The following PEBP4 variants were observed in gnomAD, a reference collection of about 807,000 sequenced individuals.
The protein encoded by PEBP4 is phosphatidylethanolamine-binding protein 4.
Under a neutral mutation model 23.9 loss-of-function variants are expected in PEBP4, and 22 were observed. The observed-to-expected ratio is 0.92, with a 90% CI of 0.66 to 1.31. PEBP4 has a LOEUF of 1.31. PEBP4 is among the 40% of genes most tolerant of loss of function. The pLI is 0.00. For synonymous variants in PEBP4, 112 were observed against 99.3 expected, an observed-to-expected ratio of 1.13 and a Z score of -0.76; for missense variants, 324 against 281.7, an observed-to-expected ratio of 1.15 and a Z score of -1.07.
chr8:22,914,501 A>C (rs948275859), intron 3 of PEBP4, among the ~76,000 whole-genome samples: 20 of 151,904 alleles, frequency 1.3e-4, no homozygotes, highest in South Asian at 6.2e-4. Context: ...CATGGGATCC[A>C]CTCCTCATTC....
At position 22,770,581 on chromosome 8, in the gene PEBP4, A is replaced by T. The variant is rs7832013; in HGVS notation, c.358-43361T>A. On this transcript the variant is annotated intron_variant, in intron 4 of 6. Coordinates refer to ENST00000256404, the MANE Select transcript of PEBP4 (RefSeq NM_144962.3). ...ATGGGAGAGGGCCTGCGCTGGCCAG[A>T]TCTTCCTCCAGGTTATTCATTGTGA... Among the ~76,000 whole-genome samples the T allele has an allele frequency of 1.2e-3, 190 of 152,268 alleles. 1 individual carries two copies. The highest frequency in any genetic ancestry group is 4.4e-3 in the African/African-American group (181 of 41,538).
Position 22,865,647 on chromosome 8 carries a change from GC to G in PEBP4, c.259-47913del, listed in dbSNP as rs1184199890. On this transcript the variant is annotated intron_variant, in intron 3 of 6. Transcript: ENST00000256404. This position sits in a 1 kb window ranked among gnomAD's most constrained non-coding sequence, Gnocchi z 6.9. ...CCTGCTCAGAAAAGCCTCGGATGCT[GC>G]CCGGGAGGAGGAGGCAAAGGAAGAC... 6.6e-6 allele frequency among the ~76,000 whole-genome samples: 1 copy of G among 152,124 alleles called. No individual in the cohort carries two copies. The highest frequency in any genetic ancestry group is 2.4e-5 in the African/African-American group (1 of 41,426).
At chr8:22,719,631 C>T (rs1318168087) in intron 6 of PEBP4, among the ~76,000 whole-genome samples, 4 of 152,192 alleles carry the variant, frequency 2.6e-5, no homozygotes, top group Non-Finnish European at 5.9e-5. Context: ...TGCAAACAGC[C>T]CTTCCCTGGA....
rs1258907981 is a variant in PEBP4 at position 22,797,630 on chromosome 8, C to T, written c.357+20007G>A. Among the ~76,000 whole-genome samples, 7 of 152,154 alleles carry T rather than the reference C, an allele frequency of 4.6e-5. No homozygotes were observed. The East Asian group carries it at 1.2e-3, about 25-fold the overall frequency. ...AGTAAGTTGCTGATGGTGAGCAGAG[C>T]AGCAGTGGGTGGTCAGTTGGTGGAG... On this transcript the variant is annotated intron_variant, in intron 4 of 6. Coordinates refer to ENST00000256404, the MANE Select transcript of PEBP4 (RefSeq NM_144962.3).
chr8:22,791,768 T>C (rs1331387507), intron 4 of PEBP4, among the ~76,000 whole-genome samples: 1 of 152,268 alleles, frequency 6.6e-6, no homozygotes, highest in Non-Finnish European at 1.5e-5. Context: ...GCACTTACTC[T>C]TCATTAAACA....
At chr8:22,919,238 TCCCTGCCA>T (rs1361246435) in intron 3 of PEBP4, among the ~76,000 whole-genome samples, 11 of 152,254 alleles carry the variant, frequency 7.2e-5, no homozygotes, top group Non-Finnish European at 1.3e-4. Flanking sequence ...TTGTGGCCCT[TCCCTGCCA>T]CCCTGCACAG....
At chr8:22,838,254 T>A (rs1449493352) in intron 3 of PEBP4, among the ~76,000 whole-genome samples, 2 of 152,206 alleles carry the variant, frequency 1.3e-5, no homozygotes, top group East Asian at 1.9e-4. Flanking sequence ...GCTCCTGAAG[T>A]GCCTAGCATA....
At chr8:22,797,757 G>A (rs1261323616) in intron 4 of PEBP4, among the ~76,000 whole-genome samples, 1 of 152,164 alleles carries the variant, frequency 6.6e-6, no homozygotes, top group East Asian at 1.9e-4. Context: ...AGTGTATCAC[G>A]ACTGTTCACT....
At chr8:22,866,366 G>A (rs900594151) in intron 3 of PEBP4, among the ~76,000 whole-genome samples, 7 of 152,190 alleles carry the variant, frequency 4.6e-5, no homozygotes, top group African/African-American at 1.7e-4. Context: ...TACCCAGCAA[G>A]ACGCTGAGGA....
Position 22,727,163 on chromosome 8 carries a change from G to A in PEBP4, c.403+12C>T. 6.2e-7 allele frequency: 1 copy of A among 1,613,822 alleles called. No individual in the cohort carries two copies. The highest frequency in any genetic ancestry group is 8.5e-7 in the Non-Finnish European group (1 of 1,179,896). On this transcript the variant is annotated intron_variant, in intron 5 of 6. Transcript: ENST00000256404. ...CCTGGCTGGGGGAAGGGGTCCCTAG[G>A]GTCTTACTCACCTGATAACTCCTGG... is the stretch of plus-strand genomic sequence containing the variant.
At chr8:22,785,281 G>A (rs917543081) in intron 4 of PEBP4, among the ~76,000 whole-genome samples, 2 of 152,158 alleles carry the variant, frequency 1.3e-5, no homozygotes, top group African/African-American at 4.8e-5. Context: ...TTCAACCAAG[G>A]ATACTAGAAC....
intron 4 of PEBP4, among the ~76,000 whole-genome samples, chr8:22,748,043 C>T (rs1457538069): frequency 6.6e-6 from 1 of 152,242 alleles, no homozygotes; most frequent in Non-Finnish European, 1.5e-5. Context: ...TGCTCAGACT[C>T]TTAGTCAACT....
intron 4 of PEBP4, among the ~76,000 whole-genome samples, chr8:22,768,303 C>T (rs1251267442): frequency 6.6e-6 from 1 of 152,150 alleles, no homozygotes; most frequent in Non-Finnish European, 1.5e-5. Flanking sequence ...AGTGCCAGTG[C>T]TTGCAGAGAC....
At chr8:22,723,413 A>G (rs76157403) in intron 6 of PEBP4, among the ~76,000 whole-genome samples, 5,116 of 151,912 alleles carry the variant, frequency 0.034, 100 homozygotes, top group Non-Finnish European at 0.04. Flanking sequence ...CCGATGCTCT[A>G]TCCTTCCCTC....
At chr8:22,910,925 C>T (rs1808925565) in intron 3 of PEBP4, among the ~76,000 whole-genome samples, 1 of 144,784 alleles carries the variant, frequency 6.9e-6, no homozygotes, top group East Asian at 2.1e-4. Context: ...AGAGTGAGCC[C>T]TAATGTGAAC....
chr8:22,869,732 T>TA (rs1807972055), intron 3 of PEBP4, among the ~76,000 whole-genome samples: 1 of 151,906 alleles, frequency 6.6e-6, no homozygotes. Flanking sequence ...ATAACCCAAT[T>TA]AAAAAATGGG....
intron 3 of PEBP4, among the ~76,000 whole-genome samples, chr8:22,842,162 G>C (rs978411522): frequency 6.6e-6 from 1 of 152,200 alleles, no homozygotes; most frequent in Admixed American, 6.5e-5. Context: ...TTACACAGTG[G>C]GTAGTCAACT....
chr8:22,933,955 A>G (rs1170083959), intron 1 of PEBP4, among the ~76,000 whole-genome samples: 1 of 152,172 alleles, frequency 6.6e-6, no homozygotes, highest in Non-Finnish European at 1.5e-5. Flanking sequence ...TTTCCCACTC[A>G]TTTTAGAAGG....
chr8:22,762,819 G>C (rs1413285803), intron 4 of PEBP4, among the ~76,000 whole-genome samples: 1 of 152,084 alleles, frequency 6.6e-6, no homozygotes, highest in South Asian at 2.1e-4. Context: ...AGGATTCCTG[G>C]CTGAAAGGGG....
Sources: allele counts gnomAD v4.1 joint callset (sites outside exome capture counted in the v4.1 genomes callset), GRCh38; gene constraint gnomAD v4.1.1; non-coding constraint Gnocchi (gnomAD v3.1); transcripts MANE v1.5; gene names NCBI Gene and HGNC (gene_info 2026-07-23, HGNC 2026-07-21).